The following BTLA variants were observed in gnomAD, a reference collection of about 807,000 sequenced individuals.
The protein encoded by BTLA is B and T lymphocyte associated.
Under a neutral mutation model 25.0 loss-of-function variants are expected in BTLA, and 11 were observed. The ratio of observed to expected loss-of-function variants is 0.44; its 90% confidence interval spans 0.28 to 0.73. BTLA has a LOEUF of 0.73. Among genes scored for constraint, BTLA ranks in the 30% least tolerant of loss-of-function variants. BTLA has a pLI of 0.15. For synonymous variants in BTLA, 104 were observed against 119.8 expected, an observed-to-expected ratio of 0.87 and a Z score of 0.86; for missense variants, 282 against 332.8, an observed-to-expected ratio of 0.85 and a Z score of 1.19.
chr3:112,480,461 T>C (rs147967319), intron 1 of BTLA, among the ~76,000 whole-genome samples: 281 of 152,358 alleles, frequency 1.8e-3, no homozygotes, highest in Non-Finnish European at 3.1e-3. Context: ...GATTGGATAA[T>C]TTTTGAATCA....
Position 112,473,469 on chromosome 3 carries a change from C to T in BTLA, c.404-2114G>A, listed in dbSNP as rs118124214. Among the ~76,000 whole-genome samples the T allele has an allele frequency of 3.9e-3, 595 of 152,222 alleles. 15 individuals are homozygous for T. The highest frequency in any genetic ancestry group is 0.027 in the Admixed American group (406 of 15,298). On this transcript the variant is annotated intron_variant, in intron 2 of 4. Transcript: ENST00000334529. ...ATAGTCTGCACAATGATATCTCTGG[C>T]ACCTGGAATAAGAAGAGGCACATTC...
chr3:112,482,421 T>G (rs1014261320), intron 1 of BTLA, among the ~76,000 whole-genome samples: 1 of 152,378 alleles, frequency 6.6e-6, no homozygotes, highest in East Asian at 1.9e-4. Context: ...GAGCAAATTT[T>G]GACCCTGAGT....
At chr3:112,498,516 G>T (rs569069645) in intron 1 of BTLA, among the ~76,000 whole-genome samples, 29 of 147,766 alleles carry the variant, frequency 2.0e-4, no homozygotes, top group African/African-American at 7.0e-4. Context: ...TAATATGTGG[G>T]TTCCTATGCA....
intron 1 of BTLA, among the ~76,000 whole-genome samples, chr3:112,497,413 T>C (rs1188661782): frequency 2.0e-5 from 3 of 152,198 alleles, no homozygotes; most frequent in African/African-American, 7.2e-5. Flanking sequence ...TTAACCCAGT[T>C]CTAACAGCCA....
chr3:112,478,976 C>T (rs1424777959), intron 2 of BTLA, among the ~76,000 whole-genome samples: 2 of 151,872 alleles, frequency 1.3e-5, no homozygotes, highest in Non-Finnish European at 1.5e-5. Context: ...GCTGTTTTTC[C>T]TCTAAACAAA....
At chr3:112,489,538 T>C (rs2705534) in intron 1 of BTLA, among the ~76,000 whole-genome samples, 1 of 152,068 alleles carries the variant, frequency 6.6e-6, no homozygotes, top group Non-Finnish European at 1.5e-5. Context: ...ACCATTCAAA[T>C]AAATGAATGA....
Position 112,465,207 on chromosome 3 carries a change from G to C in BTLA, c.*901C>G, listed in dbSNP as rs1313037344. 2 of 152,504 alleles carry C rather than the reference G, an allele frequency of 1.3e-5. No individual in the cohort carries two copies. Among genetic ancestry groups the C allele is most frequent in the African/African-American group, 2.4e-5 (1 of 41,408 alleles). The allele number at this position is 152,504 out of a possible 1,614,324, so 9.4% of individuals were successfully genotyped here. On this transcript the variant is annotated 3_prime_UTR_variant, in exon 5 of 5. Transcript: ENST00000334529. ...CCCTACAGACCAATTAAATATTCTG[G>C]GTTTTCCTCCATTCCATTAATTGCA...
In BTLA at chr3:112,479,609, T is replaced by G; in HGVS notation, c.249A>C (p.Glu83Asp). 3.1e-6 allele frequency: 5 copies of G among 1,614,154 alleles called. No homozygotes were observed. Among genetic ancestry groups the G allele is most frequent in the Non-Finnish European group, 4.2e-6 (5 of 1,179,984 alleles). ...KLNGTTCVKL[E>D]DRQTSWKEEK... is the part of the protein sequence containing the mutation. ...CTTCCTTCCAACTTGTTTGTCTATC[T>G]TCAAGTTTTACACATGTTGTTCCAT... Residue 83 changes from glutamate (E) to aspartate (D), a missense_variant, in exon 2 of 5, where the codon GAA (glutamate) becomes GAC (aspartate). Glu to Asp is a conservative substitution (Grantham distance 45). This residue lies in a region of BTLA where 163 missense variants were observed against 230.4 expected (regional missense o/e 0.71). Coordinates refer to ENST00000334529, the MANE Select transcript of BTLA (RefSeq NM_181780.4).
intron 1 of BTLA, among the ~76,000 whole-genome samples, chr3:112,481,923 A>T (rs746855232): frequency 1.3e-5 from 2 of 152,136 alleles, no homozygotes; most frequent in African/African-American, 4.8e-5. Context: ...CTTCCACCAG[A>T]TATCCTGAAT....
At chr3:112,498,509 T>A (rs2082422554) in intron 1 of BTLA, among the ~76,000 whole-genome samples, 1 of 150,208 alleles carries the variant, frequency 6.7e-6, no homozygotes, top group African/African-American at 2.4e-5. Flanking sequence ...CTCTTGATAA[T>A]ATGTGGGTTC....
chr3:112,494,743 G>C (rs1321566463), intron 1 of BTLA, among the ~76,000 whole-genome samples: 1 of 152,184 alleles, frequency 6.6e-6, no homozygotes, highest in East Asian at 1.9e-4. Context: ...ACACAAACCA[G>C]AGCCTGTTGG....
At chr3:112,490,969 G>A (rs896476154) in intron 1 of BTLA, among the ~76,000 whole-genome samples, 4 of 152,166 alleles carry the variant, frequency 2.6e-5, no homozygotes, top group African/African-American at 7.2e-5. Flanking sequence ...TTTGAAGACT[G>A]ATCTCTTCAA....
chr3:112,489,355 TA>T (rs1304060316), intron 1 of BTLA, among the ~76,000 whole-genome samples: 3 of 151,274 alleles, frequency 2.0e-5, no homozygotes, highest in Non-Finnish European at 4.4e-5. Flanking sequence ...ATCAGCCATT[TA>T]AAAAAAAAGA....
intron 1 of BTLA, among the ~76,000 whole-genome samples, chr3:112,496,681 T>G (rs188075334): frequency 1.3e-5 from 2 of 152,200 alleles, no homozygotes; most frequent in Admixed American, 1.3e-4. Context: ...TCTCTTAACC[T>G]ATAGCTTTAA....
chr3:112,497,173 A>C (rs190249058), intron 1 of BTLA, among the ~76,000 whole-genome samples: 90 of 152,374 alleles, frequency 5.9e-4, no homozygotes, highest in African/African-American at 2.1e-3. Context: ...ATTTAATTAC[A>C]TAGAGGTTGC....
chr3:112,467,555 C>G (rs1403286209), intron 4 of BTLA, among the ~76,000 whole-genome samples: 1 of 152,182 alleles, frequency 6.6e-6, no homozygotes, highest in African/African-American at 2.4e-5. Flanking sequence ...TTGTCTGGTC[C>G]TTTGTCATCC....
intron 2 of BTLA, 121 bp downstream of exon 2, chr3:112,479,334 G>T: frequency 1.1e-6 from 1 of 884,614 alleles, no homozygotes; most frequent in Non-Finnish European, 1.8e-6. Flanking sequence ...GTGAGGTGTA[G>T]CAGATTTCAG....
chr3:112,467,365 C>A (rs916554010), intron 4 of BTLA, among the ~76,000 whole-genome samples: 1 of 152,184 alleles, frequency 6.6e-6, no homozygotes, highest in Non-Finnish European at 1.5e-5. Flanking sequence ...TTTTCTCACT[C>A]TTCAGTTATT....
chr3:112,498,529 A>G (rs2082422708), intron 1 of BTLA, among the ~76,000 whole-genome samples: 2 of 150,270 alleles, frequency 1.3e-5, no homozygotes. Flanking sequence ...CCTATGCAAT[A>G]TAAGGTAGGA....
Sources: allele counts gnomAD v4.1 joint callset (sites outside exome capture counted in the v4.1 genomes callset), GRCh38; gene constraint gnomAD v4.1.1; regional missense constraint gnomAD v4.1.1; transcripts MANE v1.5; gene names NCBI Gene and HGNC (gene_info 2026-07-23, HGNC 2026-07-21).